Variants in CD99 observed in about 807,000 individuals in gnomAD.
CD99 encodes CD99 molecule (Xg blood group), also known as CD99 antigen.
In CD99, 19 loss-of-function variants were observed where a neutral mutation model predicts 28.4. That is an observed-to-expected ratio of 0.67 (90% confidence interval 0.47 to 0.98). CD99 has a LOEUF of 0.98. CD99 is among the 50% of genes least tolerant of loss of function. The pLI is 0.00. For missense variants in CD99, 283 were observed against 248.8 expected, an observed-to-expected ratio of 1.14 and a Z score of -0.92; for synonymous variants, 103 against 92.1, an observed-to-expected ratio of 1.12 and a Z score of -0.67.
chrX:2,691,751 C>G, intron 1 of CD99: 1 of 744,912 alleles, frequency 1.3e-6, no homozygotes, highest in Non-Finnish European at 2.5e-6. Context: ...TCTCCCTTTG[C>G]ATGAGCCCCT....
At chrX:2,716,214 T>C (rs1390818317) in intron 2 of CD99, among the ~76,000 whole-genome samples, 1 of 152,156 alleles carries the variant, frequency 6.6e-6, no homozygotes, top group African/African-American at 2.4e-5. Context: ...AGACGGGGTT[T>C]CATAATGTTG....
chrX:2,730,881 G>A, intron 8 of CD99, among the ~76,000 whole-genome samples: 1 of 139,144 alleles, frequency 7.2e-6, no homozygotes, highest in Non-Finnish European at 1.5e-5. Flanking sequence ...AGTGAGCCAA[G>A]ATTGTGCCAC....
chrX:2,700,830 C>T (rs1469637419), intron 1 of CD99, among the ~76,000 whole-genome samples: 1 of 151,962 alleles, frequency 6.6e-6, no homozygotes, highest in Non-Finnish European at 1.5e-5. Flanking sequence ...TCCATCTGTC[C>T]ATCCATCCAC....
chrX:2,707,349 G>GAAAAGAAAAGAA (rs1398603140), intron 1 of CD99, among the ~76,000 whole-genome samples: 3 of 147,664 alleles, frequency 2.0e-5, no homozygotes, highest in Non-Finnish European at 4.4e-5. Flanking sequence ...GAAAAGAAAA[G>GAAAAGAAAAGAA]AAAAAAACAG....
At chrX:2,728,991 C>T (rs759442001) in intron 8 of CD99, among the ~76,000 whole-genome samples, 15 of 152,168 alleles carry the variant, frequency 9.9e-5, no homozygotes, top group South Asian at 8.3e-4. Flanking sequence ...TCACCACACC[C>T]GGCTAATTTT....
In CD99 at chrX:2,726,354, G is replaced by A. The variant is rs773877636; in HGVS notation, c.456G>A (p.Lys152=). 1 of 1,608,876 alleles carries A rather than the reference G, an allele frequency of 6.2e-7. No individual in the cohort carries two copies. The highest frequency in any genetic ancestry group is 1.1e-5 in the South Asian group (1 of 90,924). The change falls in exon 8 of 10, where the codon AAG becomes AAA. Residue 152 remains lysine, a synonymous_variant. Coordinates refer to ENST00000381192, the MANE Select transcript of CD99 (RefSeq NM_002414.5). ...GCTTCATTGCTTACCAGAAAAAGAA[G>A]CTATGCTTCAAAGAAAATGGTAAGT... is the stretch of plus-strand genomic sequence containing the variant. The part of the protein sequence containing the change: ...ISSFIAYQKK[K]LCFKENAEQG...
chrX:2,698,081 C>G (rs1252240256), intron 1 of CD99, among the ~76,000 whole-genome samples: 4 of 151,952 alleles, frequency 2.6e-5, no homozygotes, highest in African/African-American at 9.7e-5. Flanking sequence ...CTACAGCCAC[C>G]TATGGGAAGC....
At chrX:2,719,447 T>C (rs2048893378) in intron 3 of CD99, 1 of 622,618 alleles carries the variant, frequency 1.6e-6, no homozygotes, top group Non-Finnish European at 2.9e-6. Context: ...TTTATCTGTC[T>C]CTGTCTCTCT....
At chrX:2,723,262 T>A in intron 6 of CD99, 52 bp from the exon 7 acceptor site, 4 of 1,600,848 alleles carry the variant, frequency 2.5e-6, no homozygotes, top group Non-Finnish European at 3.4e-6. Flanking sequence ...TGGCTGTGAA[T>A]TTTTCCTTGA....
chrX:2,719,825 C>T (rs929289105), intron 4 of CD99, 120 bp downstream of exon 4: 4 of 1,050,196 alleles, frequency 3.8e-6, no homozygotes, highest in East Asian at 2.4e-5. Flanking sequence ...ACAGTGGAAA[C>T]CTAGGGAATA....
At chrX:2,720,649 G>T (rs2048952619) in intron 5 of CD99, among the ~76,000 whole-genome samples, 1 of 102,572 alleles carries the variant, frequency 9.7e-6, no homozygotes, top group Non-Finnish European at 1.9e-5. Flanking sequence ...TTTTGAGACA[G>T]AGTCTTGTTC....
intron 8 of CD99, chrX:2,727,451 G>T (rs2049352342): frequency 9.7e-6 from 7 of 719,388 alleles, no homozygotes; most frequent in Non-Finnish European, 1.8e-5. Flanking sequence ...TGGTTTGCAG[G>T]AATCCCATCG....
chrX:2,725,133 T>C (rs1268095217), intron 7 of CD99, among the ~76,000 whole-genome samples: 1 of 148,818 alleles, frequency 6.7e-6, no homozygotes, highest in East Asian at 2.0e-4. Flanking sequence ...TGGTGGCTCA[T>C]GCGTGTAATC....
Position 2,720,360 on chromosome X carries a change from C to A in CD99, c.198C>A (p.Asp66Glu), listed in dbSNP as rs1230661797. 3.1e-6 allele frequency: 5 copies of A among 1,613,626 alleles called. No homozygotes were observed. The African/African-American group carries it at 5.3e-5, about 17-fold the overall frequency. ...GDAVVDGEND[D>E]PRPPNPPKPM... ...ACTCTCATCTTTCACAAACAGACGA[C>A]CCACGACCACCGAACCCACCCAAAC... Residue 66 changes from aspartate (D) to glutamate (E), a missense_variant, in exon 5 of 10, where the codon GAC becomes GAA. By Grantham distance (45) the Asp-to-Glu change is conservative. Coordinates refer to ENST00000381192, the MANE Select transcript of CD99 (RefSeq NM_002414.5).
intron 9 of CD99, 118 bp from the exon 10 acceptor site, chrX:2,740,661 T>C: frequency 1.1e-6 from 1 of 910,308 alleles, no homozygotes; most frequent in South Asian, 1.6e-5. Context: ...TGATGAGTTT[T>C]GGGCCCATTT....
Position 2,698,801 on chromosome X carries a change from C to T in CD99, c.67+7374C>T, listed in dbSNP as rs746631491. Among the ~76,000 whole-genome samples the T allele has an allele frequency of 2.0e-5, 3 of 152,302 alleles. No individual in the cohort carries two copies. In the South Asian group the frequency reaches 6.2e-4, roughly 32 times the overall value. ...TTCAGACACAAACCTGCTTGACCAC[C>T]CTCCAGTAGCTCTTGCTGACCTAGA... On this transcript the variant is annotated intron_variant, in intron 1 of 9. Coordinates refer to ENST00000381192, the MANE Select transcript of CD99 (RefSeq NM_002414.5).
rs184515175 is a variant in CD99 at position 2,709,126 on chromosome X, G to A, written c.68-5296G>A. 2.5e-3 allele frequency among the ~76,000 whole-genome samples: 367 copies of A among 147,030 alleles called. 11 individuals are homozygous for A. In the South Asian group the frequency reaches 0.074, roughly 30 times the overall value. The stretch of plus-strand genomic sequence containing the variant: ...TGATGGAGGAGGATGGGAGGGGCAA[G>A]CTAGGCTGGGGAGGTGGCAGGCCAT... On this transcript the variant is annotated intron_variant, in intron 1 of 9. Coordinates refer to ENST00000381192, the MANE Select transcript of CD99 (RefSeq NM_002414.5).
chrX:2,713,041 C>T (rs1306141880), intron 1 of CD99, among the ~76,000 whole-genome samples: 2 of 151,792 alleles, frequency 1.3e-5, no homozygotes, highest in Non-Finnish European at 2.9e-5. Flanking sequence ...CACACCCACA[C>T]ATGCACAAAC....
intron 6 of CD99, 56 bp from the exon 7 acceptor site, chrX:2,723,258 T>G: frequency 6.3e-7 from 1 of 1,587,280 alleles, no homozygotes; most frequent in Non-Finnish European, 8.7e-7. Context: ...GTCCTGGCTG[T>G]GAATTTTTCC....
Sources: allele counts gnomAD v4.1 joint callset (sites outside exome capture counted in the v4.1 genomes callset), GRCh38; gene constraint gnomAD v4.1.1; transcripts MANE v1.5; gene names NCBI Gene and HGNC (gene_info 2026-07-23, HGNC 2026-07-21).